The following LRWD1 variants were observed in gnomAD, a reference collection of about 807,000 sequenced individuals.
LRWD1 encodes the protein leucine-rich repeat and WD repeat-containing protein 1.
In LRWD1, 76 loss-of-function variants were observed where a neutral mutation model predicts 75.6. That is an observed-to-expected ratio of 1.01 (90% confidence interval 0.84 to 1.22). LRWD1 has a LOEUF of 1.22. LRWD1 is among the 50% of genes most tolerant of loss of function. The pLI, the probability that LRWD1 is intolerant of heterozygous loss-of-function variation, is 0.00. For synonymous variants in LRWD1, 487 were observed against 377.0 expected (o/e 1.29, Z -3.38); for missense variants, 917 against 862.0 (o/e 1.06, Z -0.80).
Position 102,465,062 on chromosome 7 carries a change from C to G in LRWD1, c.-19C>G. Reference sequence around the variant, plus strand: ...GCCGGGGTGGCCGACTGGGTCAGCGCGGGCTGCGCCTCCTCGCCATGGGCC... The same window carrying G: ...GCCGGGGTGGCCGACTGGGTCAGCGGGGGCTGCGCCTCCTCGCCATGGGCC... On this transcript the variant is annotated 5_prime_UTR_variant, in exon 1 of 15. Coordinates refer to ENST00000292616, the MANE Select transcript of LRWD1 (RefSeq NM_152892.3). 1 of 1,475,722 alleles carries G rather than the reference C, an allele frequency of 6.8e-7. No individual in the cohort carries two copies. The highest frequency in any genetic ancestry group is 9.0e-7 in the Non-Finnish European group (1 of 1,114,516). 91.4% of individuals were successfully genotyped at this position (1,475,722 alleles called of 1,614,324 possible). A position where few individuals can be genotyped will look rare whatever the true frequency, so the allele number is the denominator to read the frequency against.
intron 5 of LRWD1, 53 bp from the exon 6 acceptor site, chr7:102,468,009 G>A (rs1000594052): frequency 1.3e-6 from 2 of 1,586,114 alleles, no homozygotes; most frequent in African/African-American, 1.3e-5. Flanking sequence ...CTGTGATGGG[G>A]AGGAAGGAAG....
At position 102,469,868 on chromosome 7, in the gene LRWD1, G is replaced by A; in HGVS notation, c.1428G>A (p.Gln476=). 1 of 1,573,532 alleles carries A rather than the reference G, an allele frequency of 6.4e-7. No homozygotes were observed. Among genetic ancestry groups the A allele is most frequent in the Non-Finnish European group, 8.6e-7 (1 of 1,161,700 alleles). ...GCCCWDVRLD[Q]PQKRRVCEVE... ...GCTGCTGGGACGTGCGGCTGGACCA[G>A]CCCCAAAAGAGGAGGTGAGGCTGGG... Residue 476 remains glutamine (Q), a synonymous_variant, in exon 11 of 15, where the codon CAG becomes CAA. Transcript: ENST00000292616.
At chr7:102,467,576 G>A (rs1364068819) in intron 4 of LRWD1, 97 bp downstream of exon 4, 5 of 1,555,408 alleles carry the variant, frequency 3.2e-6, no homozygotes, top group Non-Finnish European at 4.4e-6. Context: ...CTGTGGGAGT[G>A]GGGTGAGTCA....
chr7:102,468,507 A>G, intron 7 of LRWD1, 47 bp from the exon 8 acceptor site: 1 of 1,550,382 alleles, frequency 6.5e-7, no homozygotes, highest in Non-Finnish European at 8.7e-7. Context: ...GAGGACCTAG[A>G]TGGGAAATGT....
Position 102,472,804 on chromosome 7 carries a change from G to C in LRWD1, c.1803G>C (p.Gln601His). The C allele has an allele frequency of 6.2e-7, 1 of 1,613,258 alleles. No individual in the cohort carries two copies. Among genetic ancestry groups the C allele is most frequent in the Non-Finnish European group, 8.5e-7 (1 of 1,179,862 alleles). The change falls in exon 14 of 15, where the codon CAG becomes CAC. Residue 601 changes from glutamine to histidine, a missense_variant and splice_region_variant. Physicochemically the swap from Gln to His is conservative, Grantham distance 24. Transcript: ENST00000292616. ...CGGCAGCCCTGCAGGCCCCCACACA[G>C]GTACTGCCCGGCTCACCCTGCCCAG... is the stretch of plus-strand genomic sequence containing the variant. ...LLPAALQAPT[Q>H]ILKWPQPWAL...
Position 102,465,048 on chromosome 7 carries a change from C to T in LRWD1, c.-33C>T. 5 of 1,452,684 alleles carry T rather than the reference C, an allele frequency of 3.4e-6. No individual in the cohort carries two copies. The highest frequency in any genetic ancestry group is 3.6e-6 in the Non-Finnish European group (4 of 1,102,622). 90.0% of individuals were successfully genotyped at this position (1,452,684 alleles called of 1,614,324 possible). On this transcript the variant is annotated 5_prime_UTR_variant, in exon 1 of 15. Transcript: ENST00000292616. The stretch of plus-strand genomic sequence containing the variant: ...GGGCGACGCCACACGCCGGGGTGGC[C>T]GACTGGGTCAGCGCGGGCTGCGCCT...
In LRWD1 at chr7:102,469,758, G is replaced by C. The variant is rs769341585; in HGVS notation, c.1318G>C (p.Asp440His). 15 of 1,609,382 alleles carry C rather than the reference G, an allele frequency of 9.3e-6. No individual in the cohort carries two copies. The highest frequency in any genetic ancestry group is 1.3e-5 in the Non-Finnish European group (15 of 1,176,904). Reference sequence around the variant, plus strand: ...CACTGGCAGCCAGCTGCTCACACTGGACACCACCTCTATCCCCCTGCGCCT... The same window carrying C: ...CACTGGCAGCCAGCTGCTCACACTGCACACCACCTCTATCCCCCTGCGCCT... ...EFQASQLLTL[D>H]TTSIPLRLCP... Residue 440 changes from aspartate (D) to histidine (H), a missense_variant, in exon 11 of 15, where the codon GAC (aspartate) becomes CAC (histidine). Transcript: ENST00000292616.
intron 3 of LRWD1, among the ~76,000 whole-genome samples, 183 bp from the exon 4 acceptor site, chr7:102,467,156 C>CTGGAGTGTG (rs1798018430): frequency 2.2e-5 from 1 of 44,516 alleles, no homozygotes; most frequent in South Asian, 6.1e-4. Context: ...TGGGTTGTTG[C>CTGGAGTGTG]TGGGGTGTGT....
At position 102,472,470 on chromosome 7, in the gene LRWD1, C is replaced by T. The variant is rs781559915; in HGVS notation, c.1551C>T (p.Gly517=). 2.0e-6 allele frequency: 3 copies of T among 1,537,418 alleles called. No individual in the cohort carries two copies. Among genetic ancestry groups the T allele is most frequent in the East Asian group, 4.9e-5 (2 of 40,920 alleles). Residue 517 remains glycine (G), a synonymous_variant, in exon 13 of 15, where the codon GGC becomes GGT. Transcript: ENST00000292616. ...CCCCCACAGCCTCCAAGGGGAGCGG[C>T]CTGGGCACCATCTGCCTGTGGAGCT... ...NEDIVASKGS[G]LGTICLWSWR...
rs764127576 is a variant in LRWD1 at position 102,468,176 on chromosome 7, G to A, written c.793G>A (p.Asp265Asn). ...QVEGSPVAGS[D>N]GSQPAVKLEP... The stretch of plus-strand genomic sequence containing the variant: ...GGAGGGCAGCCCTGTGGCAGGCTCC[G>A]ATGGCAGCCAGGTGAGCTGAGGTGG... Residue 265 changes from aspartate to asparagine, a missense_variant, in exon 6 of 15, where the codon GAT (aspartate) becomes AAT (asparagine). Asp to Asn is a conservative substitution (Grantham distance 23). Coordinates refer to ENST00000292616, the MANE Select transcript of LRWD1 (RefSeq NM_152892.3). 4.5e-5 allele frequency: 73 copies of A among 1,605,532 alleles called. No homozygotes were observed. The highest frequency in any genetic ancestry group is 5.4e-5 in the Non-Finnish European group (64 of 1,177,292).
Position 102,468,544 on chromosome 7 carries a change from G to C in LRWD1, c.920-10G>C, listed in dbSNP as rs763545450. The C allele has an allele frequency of 3.2e-6, 5 of 1,560,622 alleles. No individual in the cohort carries two copies. The highest frequency in any genetic ancestry group is 4.3e-6 in the Non-Finnish European group (5 of 1,152,170). ...TCTGCTCATCCGACCTCTCAAAACCGGGCACTCAGGGGCCACATCCCAGAC... is the reference window on the plus strand; with the variant it reads ...TCTGCTCATCCGACCTCTCAAAACCCGGCACTCAGGGGCCACATCCCAGAC... On this transcript the variant is annotated splice_polypyrimidine_tract_variant and intron_variant, in intron 7 of 14. Transcript: ENST00000292616.
intron 1 of LRWD1, among the ~76,000 whole-genome samples, 195 bp downstream of exon 1, chr7:102,465,355 G>A (rs1277714691): frequency 6.6e-6 from 1 of 152,228 alleles, no homozygotes; most frequent in Non-Finnish European, 1.5e-5. Context: ...ATCCCCTGAA[G>A]GGAGCCCGGA....
Position 102,465,971 on chromosome 7 carries a change from A to T in LRWD1, c.235A>T (p.Asn79Tyr). Residue 79 changes from asparagine to tyrosine, a missense_variant, in exon 2 of 15, where the codon AAC (asparagine) becomes TAC (tyrosine). By Grantham distance (143) the Asn-to-Tyr change is moderately radical. Transcript: ENST00000292616. Reference sequence around the variant, plus strand: ...CCTGCGTGTCCTCCGCTGCGCCAACAACCAGCTGGGGGATGTTACTGCCTT... The same window carrying T: ...CCTGCGTGTCCTCCGCTGCGCCAACTACCAGCTGGGGGATGTTACTGCCTT... The part of the protein sequence containing the change: ...SHLRVLRCAN[N>Y]QLGDVTALCQ... The T allele has an allele frequency of 6.2e-7, 1 of 1,613,930 alleles. No homozygotes were observed. The highest frequency in any genetic ancestry group is 8.5e-7 in the Non-Finnish European group (1 of 1,180,016).
chr7:102,469,855 T>TGC lies in LRWD1; in HGVS notation c.1417_1418dup (p.Leu474GlyfsTer34). 6.3e-7 allele frequency: 1 copy of TGC among 1,593,598 alleles called. No individual in the cohort carries two copies. The highest frequency in any genetic ancestry group is 8.5e-7 in the Non-Finnish European group (1 of 1,171,334). On this transcript the variant is annotated frameshift_variant, in exon 11 of 15. Transcript: ENST00000292616. LOFTEE classifies it high-confidence loss of function. ...GAGGGCGGCTGCTGCTGCTGGGACG[T>TGC]GCGGCTGGACCAGCCCCAAAAGAGG...
intron 9 of LRWD1, 37 bp from the exon 10 acceptor site, chr7:102,469,537 T>C (rs1171751129): frequency 6.2e-7 from 1 of 1,611,514 alleles, no homozygotes; most frequent in Non-Finnish European, 8.5e-7. Context: ...CAGGGTCATC[T>C]CAGGGCCACT....
intron 4 of LRWD1, 95 bp downstream of exon 4, chr7:102,467,574 G>C: frequency 6.4e-7 from 1 of 1,557,142 alleles, no homozygotes; most frequent in South Asian, 1.2e-5. Flanking sequence ...GGCTGTGGGA[G>C]TGGGGTGAGT....
chr7:102,469,261 G>A (rs556114047), intron 9 of LRWD1, among the ~76,000 whole-genome samples, 199 bp downstream of exon 9: 3 of 152,328 alleles, frequency 2.0e-5, no homozygotes, highest in East Asian at 1.9e-4. Flanking sequence ...CTGTGGCCTC[G>A]GAGTTTTCCA....
At chr7:102,469,107 C>T (rs761392374) in intron 9 of LRWD1, 45 bp downstream of exon 9, 5 of 1,503,040 alleles carry the variant, frequency 3.3e-6, no homozygotes, top group Non-Finnish European at 4.5e-6. Flanking sequence ...GCACCCCTGT[C>T]CTGCTGCCCC....
intron 3 of LRWD1, among the ~76,000 whole-genome samples, chr7:102,466,641 C>A (rs1455595611): frequency 6.6e-6 from 1 of 152,020 alleles, no homozygotes; most frequent in African/African-American, 2.4e-5. Context: ...TGGCCTCAAA[C>A]TCCTGGCCTT....
Sources: gnomAD v4.1 joint callset for allele counts (sites outside exome capture counted in the v4.1 genomes callset) on GRCh38, gnomAD v4.1.1 for gene constraint, MANE v1.5 for transcripts, NCBI Gene and HGNC (gene_info 2026-07-23, HGNC 2026-07-21) for gene names.